TBCE: variants seen among roughly 807,000 people sequenced by gnomAD.
TBCE encodes tubulin-specific chaperone E.
In TBCE, 53 loss-of-function variants were observed where a neutral mutation model predicts 77.0. That is an observed-to-expected ratio of 0.69 (90% CI 0.55 to 0.87). The LOEUF is 0.87. TBCE is among the 40% of genes least tolerant of loss of function. The probability of loss-of-function intolerance (pLI) is 0.00; values close to 1 mark genes in which losing one functional copy is unlikely to be tolerated. For missense variants in TBCE, 624 were observed against 622.4 expected, an observed-to-expected ratio of 1.00 and a Z score of -0.03; for synonymous variants, 235 against 241.3, an observed-to-expected ratio of 0.97 and a Z score of 0.24.
intron 2 of TBCE, among the ~76,000 whole-genome samples, chr1:235,390,135 G>A (rs946224591): frequency 5.8e-4 from 87 of 150,668 alleles, no homozygotes; most frequent in African/African-American, 1.9e-3. Flanking sequence ...AAAAAAAAAA[G>A]AAAAAGAAAA....
At position 235,374,680 on chromosome 1, in the gene TBCE, T is replaced by C. The variant is rs191535693; in HGVS notation, c.-31-5339T>C. On this transcript the variant is annotated intron_variant, in intron 1 of 16. Transcript: ENST00000642610. ...CACACCTGGCTAATTTTTGTATTTT[T>C]AGTAGAGACGGGGTTTCACCATGTT... Among the ~76,000 whole-genome samples the C allele has an allele frequency of 4.3e-3, 612 of 143,558 alleles. 89 individuals are homozygous for C. The highest frequency in any genetic ancestry group is 0.016 in the African/African-American group (586 of 36,768). The allele number at this position is 143,558 out of a possible 152,430, so 94.2% of individuals were successfully genotyped here. A position where few individuals can be genotyped will look rare whatever the true frequency, so the allele number is the denominator to read the frequency against.
At chr1:235,442,520 C>T (rs900428675) in intron 14 of TBCE, among the ~76,000 whole-genome samples, 3 of 152,170 alleles carry the variant, frequency 2.0e-5, no homozygotes, top group Non-Finnish European at 4.4e-5. Context: ...ATTTTTGTAA[C>T]TCCTATGTTT....
intron 12 of TBCE, 32 bp from the exon 13 acceptor site, chr1:235,438,737 A>G (rs1400455808): frequency 6.2e-7 from 1 of 1,614,144 alleles, no homozygotes; most frequent in Non-Finnish European, 8.5e-7. Flanking sequence ...AAAGCTTTGT[A>G]ATAGGCTTGT....
At position 235,442,826 on chromosome 1, in the gene TBCE, A is replaced by G. The variant is rs370166627; in HGVS notation, c.1340-26A>G. The G allele has an allele frequency of 1.9e-5, 30 of 1,607,332 alleles. No homozygotes were observed. In the African/African-American group the frequency reaches 3.9e-4, roughly 21 times the overall value. ...ATCCATATAATAGTAGATATCAATT[A>G]GTCTTTTTCTTTGTTTCTCTTAAAG... On this transcript the variant is annotated intron_variant, in intron 14 of 16. Transcript: ENST00000642610.
Position 235,437,601 on chromosome 1 carries a change from C to G in TBCE, c.1116+127C>G. The G allele has an allele frequency of 5.3e-6, 6 of 1,136,140 alleles. 1 individual carries two copies. In the South Asian group the frequency reaches 8.2e-5, roughly 16 times the overall value. 70.4% of individuals were successfully genotyped at this position (1,136,140 alleles called of 1,614,324 possible). A position where few individuals can be genotyped will look rare whatever the true frequency, so the allele number is the denominator to read the frequency against. On this transcript the variant is annotated intron_variant, in intron 12 of 16. Transcript: ENST00000642610. ...CTGGGGCAGGCTGATCGCTGCAGTCCAGGAGTTTGAGACCAGCCTGGGCAA... is the reference window on the plus strand; with the variant it reads ...CTGGGGCAGGCTGATCGCTGCAGTCGAGGAGTTTGAGACCAGCCTGGGCAA...
intron 15 of TBCE, among the ~76,000 whole-genome samples, chr1:235,446,493 TTA>T (rs1285850826): frequency 4.6e-5 from 7 of 151,984 alleles, no homozygotes; most frequent in Non-Finnish European, 8.8e-5. Context: ...CTATACATCC[TTA>T]TATGAACACA....
At chr1:235,422,011 C>A (rs1159263945) in intron 5 of TBCE, among the ~76,000 whole-genome samples, 4 of 152,192 alleles carry the variant, frequency 2.6e-5, no homozygotes, top group African/African-American at 9.7e-5. Flanking sequence ...CTGCACAGGT[C>A]TCTGCCTGTC....
intron 5 of TBCE, among the ~76,000 whole-genome samples, chr1:235,420,463 C>T (rs28552674): frequency 0.13 from 18,741 of 149,594 alleles, 1,507 homozygotes; most frequent in African/African-American, 0.22. Context: ...TACAGGTGCC[C>T]GCCACCATGT....
intron 5 of TBCE, among the ~76,000 whole-genome samples, chr1:235,421,559 T>C (rs1320664587): frequency 1.3e-5 from 2 of 151,452 alleles, no homozygotes; most frequent in Non-Finnish European, 2.9e-5. Flanking sequence ...AATACAAAAA[T>C]TAGCCAGGCA....
intron 5 of TBCE, among the ~76,000 whole-genome samples, chr1:235,424,502 G>T (rs867876384): frequency 6.5e-4 from 90 of 137,966 alleles, no homozygotes; most frequent in African/African-American, 2.0e-3. Flanking sequence ...TTTTGTTTTT[G>T]TTTTTTTTTT....
Position 235,414,448 on chromosome 1 carries a change from A to C in TBCE, c.201A>C (p.Gly67=), listed in dbSNP as rs746047750. Residue 67 remains glycine, a synonymous_variant, in exon 4 of 17, where the codon GGA becomes GGC. Coordinates refer to ENST00000642610, the MANE Select transcript of TBCE (RefSeq NM_003193.5). ...VYFKCRHPTG[G]SFIRPNKVNF... ...TCTTTACCAGGCACCCGACAGGAGG[A>C]TCCTTTATTCGTCCGAACAAGGTAA... The C allele has an allele frequency of 1.1e-5, 17 of 1,613,698 alleles. No homozygotes were observed. Among genetic ancestry groups the C allele is most frequent in the African/African-American group, 5.3e-5 (4 of 74,902 alleles).
At chr1:235,436,218 TAA>T (rs1360131398) in intron 9 of TBCE, 166 bp from the exon 10 acceptor site, 14 of 671,734 alleles carry the variant, frequency 2.1e-5, no homozygotes, top group Non-Finnish European at 3.7e-5. Flanking sequence ...GAATACAGGA[TAA>T]AGAGTTCACT....
intron 4 of TBCE, chr1:235,416,107 T>TG (rs1387619149): frequency 7.2e-6 from 1 of 139,102 alleles, no homozygotes; most frequent in African/African-American, 2.8e-5. Flanking sequence ...AGGTGGACGT[T>TG]GCAGTGAGCC....
At chr1:235,443,624 C>T (rs556959524) in intron 15 of TBCE, among the ~76,000 whole-genome samples, 8 of 152,324 alleles carry the variant, frequency 5.3e-5, no homozygotes, top group Middle Eastern at 3.4e-3. Context: ...GTCTGCTTCT[C>T]ATCCCTTCAT....
chr1:235,414,799 G>C, intron 4 of TBCE, 181 bp downstream of exon 4: 1 of 640,562 alleles, frequency 1.6e-6, no homozygotes, highest in Non-Finnish European at 2.7e-6. Flanking sequence ...AAATTCTTAT[G>C]TTAGCACAGG....
At chr1:235,411,442 G>A (rs1426135558) in intron 3 of TBCE, among the ~76,000 whole-genome samples, 2 of 151,536 alleles carry the variant, frequency 1.3e-5, no homozygotes, top group South Asian at 2.1e-4. Flanking sequence ...GTTGGGGGGC[G>A]GGTCCCCTCA....
chr1:235,396,034 G>A (rs1678697716), intron 2 of TBCE, among the ~76,000 whole-genome samples: 1 of 151,814 alleles, frequency 6.6e-6, no homozygotes, highest in African/African-American at 2.4e-5. Flanking sequence ...GTATTTTATT[G>A]TGTATGTGTT....
intron 3 of TBCE, among the ~76,000 whole-genome samples, chr1:235,408,234 T>A (rs1346711389): frequency 1.4e-4 from 22 of 152,228 alleles, no homozygotes; most frequent in Admixed American, 1.4e-3. Flanking sequence ...TTCACCCTGA[T>A]GTGATTGTTA....
chr1:235,388,279 ACTT>A (rs1451351700), intron 2 of TBCE, among the ~76,000 whole-genome samples: 2 of 137,964 alleles, frequency 1.4e-5, no homozygotes, highest in Non-Finnish European at 3.1e-5. Context: ...CTTCTCTGTT[ACTT>A]CTTTTTTTTT....
Sources: allele counts gnomAD v4.1 joint callset (sites outside exome capture counted in the v4.1 genomes callset), GRCh38; gene constraint gnomAD v4.1.1; transcripts MANE v1.5; gene names NCBI Gene and HGNC (gene_info 2026-07-23, HGNC 2026-07-21).